PPARGC1A: variants seen among roughly 807,000 people sequenced by gnomAD.
The protein encoded by PPARGC1A is peroxisome proliferator-activated receptor gamma coactivator 1-alpha.
PPARGC1A carries 25 observed loss-of-function variants against 88.7 expected under a neutral mutation model. That is an observed-to-expected ratio of 0.28 (90% confidence interval 0.21 to 0.39). PPARGC1A has a LOEUF of 0.39. Ranked by LOEUF, PPARGC1A falls within the 10% of genes least tolerant of loss-of-function variation. The pLI, the probability that PPARGC1A is intolerant of heterozygous loss-of-function variation, is 1.00. For synonymous variants in PPARGC1A, 363 were observed against 355.6 expected (o/e 1.02, Z -0.24); for missense variants, 880 against 968.7 (o/e 0.91, Z 1.22).
chr4:24,343,146 C>A, the PPARGC1A span, among the ~76,000 whole-genome samples: 1 of 152,208 alleles, frequency 6.6e-6, no homozygotes, highest in Non-Finnish European at 1.5e-5. Flanking sequence ...CTGGTTCAAA[C>A]CAAACCCTTA....
At chr4:24,234,400 A>T in the PPARGC1A span, among the ~76,000 whole-genome samples, 1 of 152,222 alleles carries the variant, frequency 6.6e-6, no homozygotes, top group Non-Finnish European at 1.5e-5. Flanking sequence ...TCACTATCTG[A>T]TCACAGAAAA....
chr4:23,984,329 T>C, the PPARGC1A span, among the ~76,000 whole-genome samples: 1 of 152,070 alleles, frequency 6.6e-6, no homozygotes, highest in Admixed American at 6.6e-5. Flanking sequence ...TCTATGCTTG[T>C]TTGAAATTAT....
At chr4:24,346,624 C>T in the PPARGC1A span, among the ~76,000 whole-genome samples, 17 of 152,032 alleles carry the variant, frequency 1.1e-4, no homozygotes, top group African/African-American at 4.1e-4. Flanking sequence ...TGTAATATCT[C>T]CTGTTTCATT....
At chr4:24,255,699 T>C in the PPARGC1A span, among the ~76,000 whole-genome samples, 1 of 152,216 alleles carries the variant, frequency 6.6e-6, no homozygotes. Flanking sequence ...CATAATCATA[T>C]AGGTGGAAAC....
chr4:24,304,594 A>G, the PPARGC1A span, among the ~76,000 whole-genome samples: 4 of 152,110 alleles, frequency 2.6e-5, no homozygotes, highest in Non-Finnish European at 5.9e-5. Flanking sequence ...CTATACCTGT[A>G]ACCACCTCTC....
At chr4:24,391,921 A>G in the PPARGC1A span, among the ~76,000 whole-genome samples, 1 of 152,188 alleles carries the variant, frequency 6.6e-6, no homozygotes, top group Non-Finnish European at 1.5e-5. Flanking sequence ...TCTTTTAAAG[A>G]TCAGCCAACC....
the PPARGC1A span, among the ~76,000 whole-genome samples, chr4:24,237,834 A>G: frequency 6.6e-5 from 10 of 152,172 alleles, no homozygotes; most frequent in Admixed American, 2.0e-4. Context: ...TCGAATGAAG[A>G]TAGGGTGACC....
chr4:24,367,433 C>T, the PPARGC1A span, among the ~76,000 whole-genome samples: 3 of 152,140 alleles, frequency 2.0e-5, no homozygotes, highest in Admixed American at 6.6e-5. Flanking sequence ...TTAAGTATAA[C>T]GGGCTCACAT....
chr4:23,914,180 G>T, the PPARGC1A span, among the ~76,000 whole-genome samples: 1 of 152,098 alleles, frequency 6.6e-6, no homozygotes, highest in Non-Finnish European at 1.5e-5. Flanking sequence ...ATTAATCATG[G>T]TTAAATTTTA....
chr4:23,811,921 T>A (rs1720981894), intron 10 of PPARGC1A, among the ~76,000 whole-genome samples: 1 of 43,730 alleles, frequency 2.3e-5, no homozygotes, highest in Non-Finnish European at 4.8e-5. Context: ...TTTTTTTTTT[T>A]TTTTTTTTTT....
chr4:24,283,879 C>T, the PPARGC1A span, among the ~76,000 whole-genome samples: 1,147 of 152,264 alleles, frequency 7.5e-3, 15 homozygotes, highest in African/African-American at 0.026. Context: ...AGTATTTGAA[C>T]GGGTCTTGGC....
chr4:24,187,461 T>C, the PPARGC1A span, among the ~76,000 whole-genome samples: 1 of 152,212 alleles, frequency 6.6e-6, no homozygotes. Flanking sequence ...AGGAAAATCA[T>C]GGGTTTGGAG....
chr4:24,145,284 G>A, the PPARGC1A span, among the ~76,000 whole-genome samples: 1 of 152,094 alleles, frequency 6.6e-6, no homozygotes, highest in East Asian at 1.9e-4. Flanking sequence ...AGCCAGGCTG[G>A]CTTCAAACCC....
the PPARGC1A span, among the ~76,000 whole-genome samples, chr4:24,169,990 A>G: frequency 2.0e-5 from 3 of 152,360 alleles, no homozygotes; most frequent in African/African-American, 7.2e-5. Context: ...GTGCTTAGTC[A>G]TGTAAATATT....
At chr4:24,359,768 A>G in the PPARGC1A span, among the ~76,000 whole-genome samples, 1 of 152,208 alleles carries the variant, frequency 6.6e-6, no homozygotes, top group African/African-American at 2.4e-5. Context: ...GCCAAGGAAC[A>G]CCAAAGATTG....
chr4:24,274,860 A>G, the PPARGC1A span, among the ~76,000 whole-genome samples: 1 of 152,084 alleles, frequency 6.6e-6, no homozygotes, highest in East Asian at 1.9e-4. Context: ...CCCATGGGTA[A>G]TGATTCACTA....
intron 2 of PPARGC1A, among the ~76,000 whole-genome samples, chr4:23,871,514 C>T (rs752887350): frequency 5.7e-4 from 87 of 152,232 alleles, no homozygotes; most frequent in Admixed American, 2.7e-3. Context: ...TATCAGACAG[C>T]ATTGCCTAAA....
intron 5 of PPARGC1A, among the ~76,000 whole-genome samples, chr4:23,826,157 C>T (rs1723887756): frequency 6.6e-6 from 1 of 152,056 alleles, no homozygotes; most frequent in South Asian, 2.1e-4. Context: ...GAGATGGCAA[C>T]AGTCATAGTT....
At chr4:24,282,275 T>G in the PPARGC1A span, among the ~76,000 whole-genome samples, 3 of 152,202 alleles carry the variant, frequency 2.0e-5, no homozygotes. Context: ...TACATAACCA[T>G]GTAACCAAGC....
Sources: allele counts gnomAD v4.1 joint callset (sites outside exome capture counted in the v4.1 genomes callset), GRCh38; gene constraint gnomAD v4.1.1; transcripts MANE v1.5; gene names NCBI Gene and HGNC (gene_info 2026-07-23, HGNC 2026-07-21).